The following HYDIN variants were observed in gnomAD, a reference collection of about 807,000 sequenced individuals.
HYDIN encodes axonemal central pair apparatus protein HYDIN.
A neutral mutation model predicts 403.9 loss-of-function variants in HYDIN; 132 were observed. The observed-to-expected ratio is 0.33, with a 90% CI of 0.28 to 0.38. The LOEUF (loss-of-function observed/expected upper bound fraction) is 0.38. Among genes scored for constraint, HYDIN ranks in the 10% least tolerant of loss-of-function variants. The pLI, the probability that HYDIN is intolerant of heterozygous loss-of-function variation, is 1.00. For missense variants in HYDIN, 2,827 were observed against 5,009.5 expected (o/e 0.56, Z 13.15); for synonymous variants, 1,202 against 1,891.7 (o/e 0.64, Z 9.46).
intron 28 of HYDIN, chr16:70,984,916 A>G (rs1597471545): frequency 2.9e-6 from 1 of 347,860 alleles, no homozygotes; most frequent in Non-Finnish European, 5.3e-6. Flanking sequence ...AATTAGTCTC[A>G]TTATCATGGA....
chr16:70,909,645 C>T (rs1205422420), intron 47 of HYDIN, among the ~76,000 whole-genome samples: 21 of 146,004 alleles, frequency 1.4e-4, no homozygotes, highest in African/African-American at 5.3e-4. Context: ...ATCGTTCTGG[C>T]ACACAGTCTA....
At chr16:71,035,998 G>C (rs1460609632) in intron 18 of HYDIN, among the ~76,000 whole-genome samples, 1 of 151,226 alleles carries the variant, frequency 6.6e-6, no homozygotes. Flanking sequence ...AGGAAATGTA[G>C]TCTAGCCCTG....
chr16:71,030,518 T>A (rs2080869272), intron 19 of HYDIN, among the ~76,000 whole-genome samples: 1 of 151,666 alleles, frequency 6.6e-6, no homozygotes, highest in South Asian at 2.1e-4. Flanking sequence ...CTGCAACCTC[T>A]GCCTCTTGGG....
chr16:70,855,414 T>C (rs2038956649), intron 72 of HYDIN, 139 bp from the exon 73 acceptor site: 1 of 680,022 alleles, frequency 1.5e-6, no homozygotes, highest in African/African-American at 1.9e-5. Context: ...CTTCTTTCCT[T>C]TTCCTCTACA....
intron 45 of HYDIN, among the ~76,000 whole-genome samples, chr16:70,926,323 A>G (rs1020980022): frequency 6.6e-6 from 1 of 152,208 alleles, no homozygotes; most frequent in African/African-American, 2.4e-5. Context: ...GACATGGATG[A>G]AATTGGAAAT....
chr16:71,031,742 G>C lies in HYDIN; in HGVS notation c.2705C>G (p.Thr902Ser). The C allele has an allele frequency of 1.5e-6, 2 of 1,331,508 alleles. No homozygotes were observed. Among genetic ancestry groups the C allele is most frequent in the Non-Finnish European group, 2.1e-6 (2 of 932,932 alleles). 82.5% of individuals were successfully genotyped at this position (1,331,508 alleles called of 1,614,324 possible). A position where few individuals can be genotyped will look rare whatever the true frequency, so the allele number is the denominator to read the frequency against. ...TYRIPVQASG[T>S]GSTIVSDKPF... ...CTTATCTGAAACAATAGTGGAACCAGTTCCGGAAGCCTGAACAGGAATCCG... is the reference window on the plus strand; with the variant it reads ...CTTATCTGAAACAATAGTGGAACCACTTCCGGAAGCCTGAACAGGAATCCG... The change falls in exon 19 of 86, where the codon ACT becomes AGT. Residue 902 changes from threonine (T) to serine (S), a missense_variant. Physicochemically the swap from Thr to Ser is moderately conservative, Grantham distance 58. Transcript: ENST00000393567.
At chr16:70,845,957 G>C (rs200834417) in intron 75 of HYDIN, among the ~76,000 whole-genome samples, 1 of 149,844 alleles carries the variant, frequency 6.7e-6, no homozygotes, top group Non-Finnish European at 1.5e-5. Flanking sequence ...TCTTGCTAGC[G>C]GTCTATCAGT....
At chr16:71,179,955 G>T (rs2086833884) in intron 3 of HYDIN, among the ~76,000 whole-genome samples, 1 of 152,116 alleles carries the variant, frequency 6.6e-6, no homozygotes, top group African/African-American at 2.4e-5. Context: ...AACTGCAGCT[G>T]TAAGTATCCA....
chr16:71,163,549 T>C (rs1241752383), intron 5 of HYDIN, among the ~76,000 whole-genome samples: 1 of 152,166 alleles, frequency 6.6e-6, no homozygotes, highest in Non-Finnish European at 1.5e-5. Context: ...AGTTATGCTA[T>C]GCCAGTTTCA....
At chr16:71,038,603 G>C (rs955381448) in intron 18 of HYDIN, among the ~76,000 whole-genome samples, 8 of 151,944 alleles carry the variant, frequency 5.3e-5, no homozygotes, top group African/African-American at 1.7e-4. Flanking sequence ...TATCTCAGCA[G>C]ATGACCGGCA....
chr16:71,108,647 T>C (rs2083704509), intron 10 of HYDIN, among the ~76,000 whole-genome samples: 1 of 152,052 alleles, frequency 6.6e-6, no homozygotes, highest in African/African-American at 2.4e-5. Context: ...ATCTGATCGC[T>C]GTATATTATG....
intron 47 of HYDIN, among the ~76,000 whole-genome samples, chr16:70,910,195 G>A (rs1446241377): frequency 1.3e-5 from 2 of 152,138 alleles, no homozygotes; most frequent in Non-Finnish European, 2.9e-5. Flanking sequence ...CACCCGAGCA[G>A]TATACACTGC....
At position 71,004,538 on chromosome 16, in the gene HYDIN, T is replaced by G. The variant is rs919817270; in HGVS notation, c.3645-12328A>C. On this transcript the variant is annotated intron_variant, in intron 23 of 85. Coordinates refer to ENST00000393567, the MANE Select transcript of HYDIN (RefSeq NM_001270974.2). The stretch of plus-strand genomic sequence containing the variant: ...AATTGAATCACTGGATTTTGTAATG[T>G]TAAACCAACCTTGCATTCCTGGAAT... Among the ~76,000 whole-genome samples the G allele has an allele frequency of 7.8e-4, 118 of 152,226 alleles. 2 individuals carry two copies. Among genetic ancestry groups the G allele is most frequent in the Admixed American group, 7.7e-3 (117 of 15,288 alleles).
chr16:71,026,349 T>C (rs992725059), intron 20 of HYDIN, among the ~76,000 whole-genome samples: 219 of 152,276 alleles, frequency 1.4e-3, no homozygotes, highest in African/African-American at 4.7e-3. Flanking sequence ...GTGCTCAGGT[T>C]AGGGATGTTA....
chr16:71,228,859 A>G (rs1376882220), intron 1 of HYDIN, among the ~76,000 whole-genome samples: 2 of 152,182 alleles, frequency 1.3e-5, no homozygotes, highest in African/African-American at 4.8e-5. Flanking sequence ...ATGCACACAT[A>G]TGTTTATTGC....
chr16:71,023,322 G>A (rs1232843346), intron 21 of HYDIN, among the ~76,000 whole-genome samples: 3 of 151,534 alleles, frequency 2.0e-5, no homozygotes, highest in Admixed American at 6.6e-5. Flanking sequence ...GCCAAGCCAT[G>A]GATATTTTAT....
intron 12 of HYDIN, among the ~76,000 whole-genome samples, chr16:71,082,311 T>C (rs1408473312): frequency 1.3e-5 from 2 of 152,168 alleles, no homozygotes; most frequent in Non-Finnish European, 2.9e-5. Context: ...TTAACAGGTT[T>C]TCAAAATTAT....
intron 43 of HYDIN, among the ~76,000 whole-genome samples, chr16:70,939,451 C>G (rs1295745554): frequency 6.6e-6 from 1 of 152,112 alleles, no homozygotes; most frequent in Non-Finnish European, 1.5e-5. Flanking sequence ...GCTCTTCTCC[C>G]CTAAATCATC....
At chr16:70,904,690 C>G (rs1224839652) in intron 50 of HYDIN, among the ~76,000 whole-genome samples, 1 of 148,960 alleles carries the variant, frequency 6.7e-6, no homozygotes, top group African/African-American at 2.5e-5. Context: ...TTAGTAGAAA[C>G]GGGGTTTCAC....
Sources: allele counts gnomAD v4.1 joint callset (sites outside exome capture counted in the v4.1 genomes callset), GRCh38; gene constraint gnomAD v4.1.1; transcripts MANE v1.5; gene names NCBI Gene and HGNC (gene_info 2026-07-23, HGNC 2026-07-21).